The following INPP4B variants were observed in gnomAD, a reference collection of about 807,000 sequenced individuals.
The protein encoded by INPP4B is inositol polyphosphate-4-phosphatase type II B, also known as inositol polyphosphate 4-phosphatase type II.
INPP4B carries 55 observed loss-of-function variants against 122.5 expected under a neutral mutation model. That is an observed-to-expected ratio of 0.45 (90% confidence interval 0.36 to 0.56). The LOEUF (loss-of-function observed/expected upper bound fraction) is 0.56. INPP4B is among the 20% of genes least tolerant of loss of function. INPP4B has a pLI of 0.00. For missense variants in INPP4B, 1,000 were observed against 1,097.7 expected, an observed-to-expected ratio of 0.91 and a Z score of 1.26; for synonymous variants, 403 against 388.7, an observed-to-expected ratio of 1.04 and a Z score of -0.43.
intron 7 of INPP4B, among the ~76,000 whole-genome samples, chr4:142,330,366 A>G (rs1459717092): frequency 2.0e-5 from 3 of 152,190 alleles, no homozygotes; most frequent in Non-Finnish European, 2.9e-5. Flanking sequence ...TTGAAAATCC[A>G]TCTCTGGGTT....
At chr4:142,054,245 A>G (rs1207329901) in intron 25 of INPP4B, among the ~76,000 whole-genome samples, 1 of 150,528 alleles carries the variant, frequency 6.6e-6, no homozygotes, top group Non-Finnish European at 1.5e-5. Flanking sequence ...ATGCCCAACC[A>G]CAACACCCTA....
At chr4:142,303,324 G>A (rs1762199727) in intron 9 of INPP4B, among the ~76,000 whole-genome samples, 1 of 152,056 alleles carries the variant, frequency 6.6e-6, no homozygotes, top group Admixed American at 6.6e-5. Context: ...TAACCATGAA[G>A]AAAAGGAAAT....
chr4:142,443,068 T>C (rs1239418312), intron 3 of INPP4B, among the ~76,000 whole-genome samples: 1 of 152,008 alleles, frequency 6.6e-6, no homozygotes, highest in Non-Finnish European at 1.5e-5. Flanking sequence ...CCTTGACACA[T>C]AGGGATTATT....
intron 2 of INPP4B, among the ~76,000 whole-genome samples, chr4:142,486,944 C>T (rs983457603): frequency 6.6e-6 from 1 of 152,128 alleles, no homozygotes; most frequent in African/African-American, 2.4e-5. Context: ...ACTGATTTGT[C>T]TATACTTACG....
rs139080775 is a variant in INPP4B at position 142,781,508 on chromosome 4, C to T, written c.-253-55607G>A. On this transcript the variant is annotated intron_variant, in intron 1 of 25. Coordinates refer to ENST00000262992, the MANE Select transcript of INPP4B (RefSeq NM_001101669.3). Reference sequence around the variant, plus strand: ...GATCATCTTAAGAAGTGATTAGTTTCCTGCCACCAGAAACATTCTGACCAT... The same window carrying T: ...GATCATCTTAAGAAGTGATTAGTTTTCTGCCACCAGAAACATTCTGACCAT... Among the ~76,000 whole-genome samples, 1,402 of 152,222 alleles carry T rather than the reference C, an allele frequency of 9.2e-3. 27 individuals carry two copies. Among genetic ancestry groups the T allele is most frequent in the African/African-American group, 0.031 (1,304 of 41,530 alleles).
chr4:142,595,070 C>T (rs1342986858), intron 2 of INPP4B, among the ~76,000 whole-genome samples: 3 of 148,622 alleles, frequency 2.0e-5, no homozygotes, highest in Non-Finnish European at 3.0e-5. Flanking sequence ...TCCATTGTTT[C>T]GGTTATTGTC....
At chr4:142,798,842 A>ACGTT (rs1554012054) in intron 1 of INPP4B, among the ~76,000 whole-genome samples, 1 of 131,666 alleles carries the variant, frequency 7.6e-6, no homozygotes, top group Non-Finnish European at 1.7e-5. Flanking sequence ...GTATGTGTAT[A>ACGTT]TGTTTGTGTG....
chr4:142,247,106 G>A (rs971794957), intron 11 of INPP4B, among the ~76,000 whole-genome samples: 36 of 152,168 alleles, frequency 2.4e-4, no homozygotes, highest in African/African-American at 8.4e-4. Context: ...TTATTGATTT[G>A]TGTATGTTGA....
chr4:142,180,371 G>A (rs757662904), intron 15 of INPP4B, among the ~76,000 whole-genome samples: 1 of 151,810 alleles, frequency 6.6e-6, no homozygotes, highest in Non-Finnish European at 1.5e-5. Context: ...TTTTTTCCAT[G>A]TTAAATCTGA....
chr4:142,123,535 A>T, intron 19 of INPP4B, 120 bp from the exon 20 acceptor site: 1 of 914,318 alleles, frequency 1.1e-6, no homozygotes, highest in East Asian at 2.6e-5. Context: ...TAACAAAACT[A>T]CAACTATTTG....
At chr4:142,579,305 A>C (rs1305378847) in intron 2 of INPP4B, among the ~76,000 whole-genome samples, 1 of 152,014 alleles carries the variant, frequency 6.6e-6, no homozygotes, top group Non-Finnish European at 1.5e-5. Flanking sequence ...CAGAGTGGTC[A>C]AAGATGGCCT....
At chr4:142,605,128 C>T (rs1038348920) in intron 2 of INPP4B, among the ~76,000 whole-genome samples, 1 of 151,890 alleles carries the variant, frequency 6.6e-6, no homozygotes, top group African/African-American at 2.4e-5. Context: ...GTCAACCTAC[C>T]AAGACTGACT....
Position 142,793,431 on chromosome 4 carries a change from G to A in INPP4B, c.-254+52778C>T, listed in dbSNP as rs145523085. Among the ~76,000 whole-genome samples the A allele has an allele frequency of 2.5e-3, 377 of 152,158 alleles. 5 individuals are homozygous for A. Among genetic ancestry groups the A allele is most frequent in the East Asian group, 0.019 (96 of 5,166 alleles). ...CTATGAGCAGGATGCATATTCCAAA[G>A]CAACGATCAGTGGAACAAAAAGAAT... On this transcript the variant is annotated intron_variant, in intron 1 of 25. Coordinates refer to ENST00000262992, the MANE Select transcript of INPP4B (RefSeq NM_001101669.3).
chr4:142,670,568 A>C (rs534290661), intron 2 of INPP4B, among the ~76,000 whole-genome samples: 1 of 152,172 alleles, frequency 6.6e-6, no homozygotes, highest in Admixed American at 6.6e-5. Flanking sequence ...AATACTACAT[A>C]AATTTCAGTC....
chr4:142,086,873 A>T (rs1203092932), intron 23 of INPP4B, among the ~76,000 whole-genome samples: 1 of 152,232 alleles, frequency 6.6e-6, no homozygotes, highest in Non-Finnish European at 1.5e-5. Context: ...TAACAAAAGC[A>T]TAAGACATAG....
In INPP4B at chr4:142,555,795, C is replaced by T. The variant is rs375273482; in HGVS notation, c.-190-93069G>A. Among the ~76,000 whole-genome samples the T allele has an allele frequency of 4.4e-4, 66 of 148,588 alleles. No individual in the cohort carries two copies. The East Asian group carries it at 5.4e-3, about 12-fold the overall frequency. On this transcript the variant is annotated intron_variant, in intron 2 of 25. Coordinates refer to ENST00000262992, the MANE Select transcript of INPP4B (RefSeq NM_001101669.3). ...CTGAGGCAGGAGAATGGCGTGAACC[C>T]GGGAGGCAGAGCTTGCAGTGAGCCA...
intron 25 of INPP4B, among the ~76,000 whole-genome samples, chr4:142,077,458 T>C (rs762014590): frequency 6.6e-6 from 1 of 152,018 alleles, no homozygotes; most frequent in Admixed American, 6.6e-5. Flanking sequence ...AATTTCCCTA[T>C]ACAATTATTT....
chr4:142,027,964 C>T lies in INPP4B; in HGVS notation c.*818G>A, dbSNP rs1737545488. 1.6e-5 allele frequency: 3 copies of T among 189,286 alleles called. No individual in the cohort carries two copies. The highest frequency in any genetic ancestry group is 8.4e-5 in the East Asian group (1 of 11,950). 11.7% of individuals were successfully genotyped at this position (189,286 alleles called of 1,614,324 possible). A position where few individuals can be genotyped will look rare whatever the true frequency, so the allele number is the denominator to read the frequency against. ...TCACTGACATTCATGAACTTCACAA[C>T]ATAAAGTTCAGGCTGATGGGAATTT... is the stretch of plus-strand genomic sequence containing the variant. On this transcript the variant is annotated 3_prime_UTR_variant, in exon 26 of 26. Coordinates refer to ENST00000262992, the MANE Select transcript of INPP4B (RefSeq NM_001101669.3).
chr4:142,178,437 CG>C (rs1829311234), intron 15 of INPP4B, among the ~76,000 whole-genome samples: 1 of 152,134 alleles, frequency 6.6e-6, no homozygotes, highest in African/African-American at 2.4e-5. Flanking sequence ...GGTTTGAAGA[CG>C]GCAGGAGGCA....
Sources: allele counts gnomAD v4.1 joint callset (sites outside exome capture counted in the v4.1 genomes callset), GRCh38; gene constraint gnomAD v4.1.1; transcripts MANE v1.5; gene names NCBI Gene and HGNC (gene_info 2026-07-23, HGNC 2026-07-21).